NRXN1: variants seen among roughly 807,000 people sequenced by gnomAD.
NRXN1 encodes neurexin 1.
A neutral mutation model predicts 150.9 loss-of-function variants in NRXN1; 39 were observed. That is an observed-to-expected ratio of 0.26 (90% CI 0.20 to 0.34). NRXN1 has a LOEUF of 0.34. Among genes scored for constraint, NRXN1 ranks in the 10% least tolerant of loss-of-function variants. The pLI is 1.00. For missense variants in NRXN1, 1,815 were observed against 1,949.9 expected (o/e 0.93, Z 1.30); for synonymous variants, 924 against 757.0 (o/e 1.22, Z -3.62).
At chr2:50,003,610 C>T (rs1573348086) in intron 21 of NRXN1, among the ~76,000 whole-genome samples, 1 of 152,256 alleles carries the variant, frequency 6.6e-6, no homozygotes, top group South Asian at 2.1e-4. Context: ...GGCACATGAA[C>T]CATTCTTGAA....
intron 16 of NRXN1, among the ~76,000 whole-genome samples, chr2:50,469,770 T>C (rs1440014267): frequency 2.7e-5 from 4 of 150,164 alleles, no homozygotes; most frequent in African/African-American, 9.8e-5. Flanking sequence ...AAAAGGGGTG[T>C]CAGGGTGTGA....
At chr2:50,373,376 G>T (rs144778802) in intron 17 of NRXN1, among the ~76,000 whole-genome samples, 3 of 147,738 alleles carry the variant, frequency 2.0e-5, no homozygotes, top group African/African-American at 7.5e-5. Flanking sequence ...GTGAGATCAG[G>T]ATAAAAATTG....
At chr2:50,953,804 A>G (rs1575041995) in intron 2 of NRXN1, among the ~76,000 whole-genome samples, 1 of 152,020 alleles carries the variant, frequency 6.6e-6, no homozygotes, top group Admixed American at 6.6e-5. Context: ...CAGGTGATCC[A>G]CCTGCCTCGG....
chr2:50,472,445 T>C lies in NRXN1; in HGVS notation c.3097A>G (p.Lys1033Glu). The C allele has an allele frequency of 6.2e-7, 1 of 1,612,086 alleles. No individual in the cohort carries two copies. Among genetic ancestry groups the C allele is most frequent in the South Asian group, 1.1e-5 (1 of 90,998 alleles). The change falls in exon 16 of 23, where the codon AAA becomes GAA. Residue 1033 changes from lysine to glutamate, a missense_variant. Around this residue, in one of 6 missense-constraint regions of NRXN1, gnomAD observed 339 missense variants for 440.3 expected, o/e 0.77. Coordinates refer to ENST00000401669, the MANE Select transcript of NRXN1 (RefSeq NM_001330078.2). ...KSDLYIGGVAKETYKSLPKLV... is the reference protein window; with the variant it reads ...KSDLYIGGVAEETYKSLPKLV... ...TTTGGTAAGGATTTGTATGTTTCTT[T>C]AGCTACTCCTCCTATATATAAGTCA...
chr2:50,605,143 T>A (rs1232590072), intron 8 of NRXN1, among the ~76,000 whole-genome samples: 1 of 152,228 alleles, frequency 6.6e-6, no homozygotes, highest in Non-Finnish European at 1.5e-5. Flanking sequence ...ATTGAGTATG[T>A]GTTTATCTCT....
intron 17 of NRXN1, among the ~76,000 whole-genome samples, chr2:50,357,302 A>ATTTATTTTTTTT (rs59536239): frequency 3.8e-4 from 54 of 142,894 alleles, no homozygotes; most frequent in African/African-American, 1.2e-3. Context: ...TTATTTATTT[A>ATTTATTTTTTTT]TTTTTTTTTT....
At chr2:50,021,917 C>G (rs1397989337) in intron 21 of NRXN1, among the ~76,000 whole-genome samples, 1 of 152,184 alleles carries the variant, frequency 6.6e-6, no homozygotes, top group African/African-American at 2.4e-5. Context: ...GTGGCACGAT[C>G]TCGGCTCACT....
chr2:50,404,387 C>G (rs371185852), intron 17 of NRXN1, among the ~76,000 whole-genome samples: 11 of 152,230 alleles, frequency 7.2e-5, no homozygotes, highest in African/African-American at 2.4e-4. Context: ...TGTGTGAACT[C>G]TGAACATTCT....
At position 50,483,321 on chromosome 2, in the gene NRXN1, G is replaced by C. The variant is rs200099694; in HGVS notation, c.3071-10850C>G. The stretch of plus-strand genomic sequence containing the variant: ...AAAACTCATGAATAATCCACCCCTT[G>C]TTTAGCATATAATAAAGAAAAAACT... On this transcript the variant is annotated intron_variant, in intron 15 of 22. Coordinates refer to ENST00000401669, the MANE Select transcript of NRXN1 (RefSeq NM_001330078.2). Among the ~76,000 whole-genome samples, 6 of 152,144 alleles carry C rather than the reference G, an allele frequency of 3.9e-5. No individual in the cohort carries two copies. In the East Asian group the frequency reaches 1.2e-3, roughly 29 times the overall value.
chr2:50,863,070 T>C (rs1164015660), intron 5 of NRXN1, among the ~76,000 whole-genome samples: 1 of 152,028 alleles, frequency 6.6e-6, no homozygotes, highest in African/African-American at 2.4e-5. Flanking sequence ...CAGGATAACA[T>C]TCTTTATGAT....
intron 5 of NRXN1, among the ~76,000 whole-genome samples, chr2:50,732,033 A>T (rs1025838167): frequency 1.3e-5 from 2 of 152,220 alleles, no homozygotes; most frequent in African/African-American, 4.8e-5. Flanking sequence ...AGTCTTAAAA[A>T]TATGTCAGTT....
chr2:50,485,721 G>A (rs1371858220), intron 15 of NRXN1, among the ~76,000 whole-genome samples: 1 of 152,220 alleles, frequency 6.6e-6, no homozygotes, highest in East Asian at 1.9e-4. Context: ...TGAGGAGGGA[G>A]CAGAAGCATC....
intron 5 of NRXN1, among the ~76,000 whole-genome samples, chr2:50,867,031 T>C (rs757220952): frequency 6.6e-6 from 1 of 151,884 alleles, no homozygotes; most frequent in Non-Finnish European, 1.5e-5. Flanking sequence ...AATTTTTCAT[T>C]TCAGTGCTAA....
At chr2:49,951,822 GTC>G (rs1275408029) in intron 21 of NRXN1, among the ~76,000 whole-genome samples, 3 of 151,868 alleles carry the variant, frequency 2.0e-5, no homozygotes, top group African/African-American at 4.8e-5. Flanking sequence ...AGATTAATTA[GTC>G]ACACACATTG....
intron 19 of NRXN1, among the ~76,000 whole-genome samples, chr2:50,061,076 T>C (rs1694457729): frequency 6.6e-6 from 1 of 152,206 alleles, no homozygotes; most frequent in Non-Finnish European, 1.5e-5. Flanking sequence ...ATGATTTTCA[T>C]AAAAATGTTG....
chr2:50,797,340 A>G (rs1184098740), intron 5 of NRXN1, among the ~76,000 whole-genome samples: 2 of 152,092 alleles, frequency 1.3e-5, no homozygotes, highest in Admixed American at 6.6e-5. Context: ...ATCACTGGAG[A>G]TATTGCTCCC....
intron 8 of NRXN1, among the ~76,000 whole-genome samples, chr2:50,574,170 C>T (rs1486730807): frequency 6.6e-6 from 1 of 152,130 alleles, no homozygotes; most frequent in South Asian, 2.1e-4. Context: ...GAAAGAAACA[C>T]CCAGGAAGAC....
intron 21 of NRXN1, among the ~76,000 whole-genome samples, chr2:49,955,316 T>C (rs968133203): frequency 6.6e-6 from 1 of 152,160 alleles, no homozygotes; most frequent in Non-Finnish European, 1.5e-5. Flanking sequence ...ATAACACTTT[T>C]TCAAAGATTT....
chr2:50,774,973 A>G (rs1703433409), intron 5 of NRXN1, among the ~76,000 whole-genome samples: 1 of 152,122 alleles, frequency 6.6e-6, no homozygotes, highest in African/African-American at 2.4e-5. Context: ...CTGATTACAT[A>G]TATTATTTTT....
Sources: gnomAD v4.1 joint callset for allele counts (sites outside exome capture counted in the v4.1 genomes callset) on GRCh38, gnomAD v4.1.1 for gene constraint, gnomAD v4.1.1 regional missense constraint, MANE v1.5 for transcripts, NCBI Gene and HGNC (gene_info 2026-07-23, HGNC 2026-07-21) for gene names.